The following SLC8B1 variants were observed in gnomAD, a reference collection of about 807,000 sequenced individuals.
SLC8B1 encodes solute carrier family 8 member B1.
SLC8B1 carries 52 observed loss-of-function variants against 63.4 expected under a neutral mutation model. The ratio of observed to expected loss-of-function variants is 0.82; its 90% CI spans 0.66 to 1.03. The LOEUF is 1.03. Ranked by LOEUF, SLC8B1 falls within the 50% of genes least tolerant of loss-of-function variation. The probability of loss-of-function intolerance (pLI) is 0.00; values close to 1 mark genes in which losing one functional copy is unlikely to be tolerated. For synonymous variants in SLC8B1, 336 were observed against 323.9 expected (o/e 1.04, Z -0.40); for missense variants, 657 against 741.7 (o/e 0.89, Z 1.33).
At chr12:113,321,777 C>G (rs1956934833) in intron 2 of SLC8B1, among the ~76,000 whole-genome samples, 1 of 140,900 alleles carries the variant, frequency 7.1e-6, no homozygotes, top group African/African-American at 2.9e-5. Context: ...TTTGCTTTTA[C>G]CATTATATAT....
At chr12:113,321,902 T>C (rs1225391871) in intron 2 of SLC8B1, among the ~76,000 whole-genome samples, 2 of 152,010 alleles carry the variant, frequency 1.3e-5, no homozygotes, top group Admixed American at 6.6e-5. Flanking sequence ...TGTACAATAA[T>C]TCTATGATGG....
At chr12:113,324,297 A>G (rs1956967401) in intron 2 of SLC8B1, among the ~76,000 whole-genome samples, 1 of 150,686 alleles carries the variant, frequency 6.6e-6, no homozygotes, top group Non-Finnish European at 1.5e-5. Flanking sequence ...TGGGTGACAG[A>G]GCAAGCCTGT....
Position 113,319,039 on chromosome 12 carries a change from T to G in SLC8B1, c.727A>C (p.Thr243Pro). The G allele has an allele frequency of 6.2e-7, 1 of 1,614,058 alleles. No homozygotes were observed. The highest frequency in any genetic ancestry group is 8.5e-7 in the Non-Finnish European group (1 of 1,179,960). ...TAGATCCAGGTGCAGAGAATCACAG[T>G]GACCACATAGAACACATACAAGCCC... ...YLGLYVFYVV[T>P]VILCTWIYQR... Residue 243 changes from threonine (T) to proline (P), a missense_variant, in exon 8 of 16, where the codon ACT becomes CCT. Coordinates refer to ENST00000680972, the MANE Select transcript of SLC8B1 (RefSeq NM_001358345.2).
chr12:113,325,709 C>T lies in SLC8B1; in HGVS notation c.157-4361G>A, dbSNP rs1175699784. Among the ~76,000 whole-genome samples the T allele has an allele frequency of 5.3e-5, 8 of 152,066 alleles. No individual in the cohort carries two copies. In the East Asian group the frequency reaches 5.8e-4, roughly 11 times the overall value. On this transcript the variant is annotated intron_variant, in intron 2 of 15. Transcript: ENST00000680972. ...CCTCCCGAGTAGCTGGGACTACAGG[C>T]GCTCGCCACCACGCCCAGCTAATTT...
At chr12:113,314,779 T>C (rs896768652) in intron 11 of SLC8B1, among the ~76,000 whole-genome samples, 3 of 152,220 alleles carry the variant, frequency 2.0e-5, no homozygotes, top group Non-Finnish European at 2.9e-5. Context: ...AATTTTTAAA[T>C]GCAGGCAAAC....
Position 113,318,990 on chromosome 12 carries a change from A to T in SLC8B1, c.776T>A (p.Leu259Gln). 6.2e-7 allele frequency: 1 copy of T among 1,613,962 alleles called. No individual in the cohort carries two copies. Among genetic ancestry groups the T allele is most frequent in the East Asian group, 2.2e-5 (1 of 44,878 alleles). ...TGGAGTAACTGGCATGGGGCAGAAC[A>T]GAGATCCTCTCCGTTGCCGTTGGTA... is the stretch of plus-strand genomic sequence containing the variant. ...WIYQRQRRGSLFCPMPVTPEI... is the reference protein window; with the variant it reads ...WIYQRQRRGSQFCPMPVTPEI... Residue 259 changes from leucine (L) to glutamine (Q), a missense_variant, in exon 8 of 16, where the codon CTG becomes CAG. Coordinates refer to ENST00000680972, the MANE Select transcript of SLC8B1 (RefSeq NM_001358345.2).
At position 113,303,139 on chromosome 12, in the gene SLC8B1, ACACG is replaced by A. The variant is rs529092815; in HGVS notation, c.1557+1178_1557+1181del. ...GACACACACACACACACACACACAC[ACACG>A]CGCGCGCACAGGAGAAAAGAGGAAA... On this transcript the variant is annotated intron_variant, in intron 15 of 15. Coordinates refer to ENST00000680972, the MANE Select transcript of SLC8B1 (RefSeq NM_001358345.2). Among the ~76,000 whole-genome samples, 1,035 of 147,334 alleles carry A rather than the reference ACACG, an allele frequency of 7.0e-3. 11 individuals are homozygous for A. The highest frequency in any genetic ancestry group is 0.018 in the African/African-American group (719 of 39,026).
chr12:113,305,929 G>A lies in SLC8B1; in HGVS notation c.1492+566C>T, dbSNP rs896636329. Among the ~76,000 whole-genome samples the A allele has an allele frequency of 1.3e-5, 2 of 151,642 alleles. No homozygotes were observed. The highest frequency in any genetic ancestry group is 4.8e-5 in the African/African-American group (2 of 41,290). On this transcript the variant is annotated intron_variant, in intron 14 of 15. Transcript: ENST00000680972. The surrounding 1 kb of genome is among the most constrained non-coding windows in gnomAD (Gnocchi z 4.3). ...CAAAAATTAGCTGGGCGTGGTCGTG[G>A]GCGCCTGTAGTCCCAGCTACTCAGA...
At chr12:113,332,117 T>C (rs1404112886) in intron 2 of SLC8B1, among the ~76,000 whole-genome samples, 1 of 152,132 alleles carries the variant, frequency 6.6e-6, no homozygotes, top group African/African-American at 2.4e-5. Context: ...CCTCTCTCCA[T>C]TCGCTGGCTT....
chr12:113,316,052 G>A (rs1055626203), intron 10 of SLC8B1, among the ~76,000 whole-genome samples: 8 of 152,056 alleles, frequency 5.3e-5, no homozygotes, highest in Non-Finnish European at 8.8e-5. Flanking sequence ...GTGAAACCCC[G>A]TCTCTACTAA....
chr12:113,330,387 G>A (rs923392686), intron 2 of SLC8B1, among the ~76,000 whole-genome samples: 1 of 152,246 alleles, frequency 6.6e-6, no homozygotes, highest in Non-Finnish European at 1.5e-5. Flanking sequence ...GTGGACTAGA[G>A]GGGAAGGGGA....
chr12:113,308,997 G>T (rs1028413051), intron 12 of SLC8B1, among the ~76,000 whole-genome samples: 2 of 151,778 alleles, frequency 1.3e-5, no homozygotes, highest in African/African-American at 4.8e-5. Context: ...GGGATTACAG[G>T]TGCCCGCCAC....
At chr12:113,316,344 G>C (rs1310360592) in intron 10 of SLC8B1, among the ~76,000 whole-genome samples, 182 bp downstream of exon 10, 1 of 152,308 alleles carries the variant, frequency 6.6e-6, no homozygotes, top group East Asian at 1.9e-4. Context: ...AGAGGGCAGA[G>C]CCCCAGGTCA....
At chr12:113,309,176 CTT>C (rs886799823) in intron 12 of SLC8B1, among the ~76,000 whole-genome samples, 13 of 142,020 alleles carry the variant, frequency 9.2e-5, no homozygotes, top group South Asian at 4.5e-4. Context: ...ATTAAGTAAA[CTT>C]TTTTTTTTTT....
chr12:113,299,967 GGC>G lies in SLC8B1; in HGVS notation c.1563_1564del (p.Glu521AspfsTer54). 1.2e-6 allele frequency: 2 copies of G among 1,613,034 alleles called. No individual in the cohort carries two copies. The highest frequency in any genetic ancestry group is 1.7e-6 in the Non-Finnish European group (2 of 1,179,886). On this transcript the variant is annotated frameshift_variant, in exon 16 of 16. Coordinates refer to ENST00000680972, the MANE Select transcript of SLC8B1 (RefSeq NM_001358345.2). LOFTEE classifies it high-confidence loss of function. Reference sequence around the variant, plus strand: ...CAGGACCCACACCAGCAGTCCGTCTGGCTCCAGCTGTGGAAGAATGAGGGGAG... The same window carrying G: ...CAGGACCCACACCAGCAGTCCGTCTGTCCAGCTGTGGAAGAATGAGGGGAG...
chr12:113,323,918 T>C (rs1956962686), intron 2 of SLC8B1, among the ~76,000 whole-genome samples: 1 of 152,030 alleles, frequency 6.6e-6, no homozygotes, highest in Non-Finnish European at 1.5e-5. Context: ...TACCCACCCA[T>C]ACAGTATCCC....
rs1956559379 is a variant in SLC8B1, at chr12:113,300,108, CTCAGCAACAATGCAGCCT to C, written c.1558-152_1558-135del. The C allele has an allele frequency of 1.8e-5, 12 of 665,828 alleles. 2 individuals are homozygous for C. In the East Asian group the frequency reaches 5.1e-4, roughly 28 times the overall value. 41.2% of individuals were successfully genotyped at this position (665,828 alleles called of 1,614,324 possible). On this transcript the variant is annotated intron_variant, in intron 15 of 15. Coordinates refer to ENST00000680972, the MANE Select transcript of SLC8B1 (RefSeq NM_001358345.2). ...AATGCAGCCTCAGCAACAATGCAGC[CTCAGCAACAATGCAGCCT>C]CAACAACAATCCAGCCTCAACAACA...
At chr12:113,310,097 G>T in intron 12 of SLC8B1, 137 bp downstream of exon 12, 2 of 1,159,500 alleles carry the variant, frequency 1.7e-6, no homozygotes, top group Non-Finnish European at 2.3e-6. Flanking sequence ...CTCAAAAGCA[G>T]CTTTAAAGTT....
chr12:113,315,430 G>C lies in SLC8B1; in HGVS notation c.1040C>G (p.Pro347Arg), dbSNP rs768959545. The change falls in exon 11 of 16, where the codon CCG becomes CGG. Residue 347 changes from proline to arginine, a missense_variant. By Grantham distance (103) the Pro-to-Arg change is moderately radical. Transcript: ENST00000680972. ...TTTCCAGTTCTGGTCATCCTTGTCCGGGTCCACGACGGGGACTGTGAGGAG... is the reference window on the plus strand; with the variant it reads ...TTTCCAGTTCTGGTCATCCTTGTCCCGGTCCACGACGGGGACTGTGAGGAG... ...LLLLTVPVVD[P>R]DKDDQNWKRP... The C allele has an allele frequency of 1.2e-6, 2 of 1,600,162 alleles. No individual in the cohort carries two copies. Among genetic ancestry groups the C allele is most frequent in the Non-Finnish European group, 1.7e-6 (2 of 1,173,838 alleles).
Sources: allele counts gnomAD v4.1 joint callset (sites outside exome capture counted in the v4.1 genomes callset), GRCh38; gene constraint gnomAD v4.1.1; non-coding constraint Gnocchi (gnomAD v3.1); transcripts MANE v1.5; gene names NCBI Gene and HGNC (gene_info 2026-07-23, HGNC 2026-07-21).